The following PIGN variants were observed in gnomAD, a reference collection of about 807,000 sequenced individuals.
PIGN encodes the protein phosphatidylinositol glycan anchor biosynthesis class N, also known as GPI ethanolamine phosphate transferase 1.
In PIGN, 117 loss-of-function variants were observed where a neutral mutation model predicts 125.4. That is an observed-to-expected ratio of 0.93 (90% CI 0.80 to 1.09). The LOEUF is 1.09. PIGN is among the 50% of genes least tolerant of loss of function. The probability of loss-of-function intolerance (pLI) is 0.00; values close to 1 mark genes in which losing one functional copy is unlikely to be tolerated. For missense variants in PIGN, 1,075 were observed against 1,094.9 expected (o/e 0.98, Z 0.26); for synonymous variants, 392 against 377.8 (o/e 1.04, Z -0.44).
chr18:62,125,047 AAT>A (rs2035455534), intron 14 of PIGN, among the ~76,000 whole-genome samples: 1 of 137,462 alleles, frequency 7.3e-6, no homozygotes, highest in African/African-American at 3.4e-5. Flanking sequence ...ATAAATATAC[AAT>A]TTGTACATAC....
chr18:62,154,762 C>A (rs998204384), intron 6 of PIGN, 111 bp from the exon 7 acceptor site: 50 of 653,464 alleles, frequency 7.7e-5, no homozygotes, highest in Non-Finnish European at 2.7e-6. Flanking sequence ...TTTCACAAAG[C>A]ATTGTTCATT....
At chr18:62,063,026 T>TAAATGC (rs1268765368) in intron 30 of PIGN, among the ~76,000 whole-genome samples, 1 of 151,418 alleles carries the variant, frequency 6.6e-6, no homozygotes, top group Non-Finnish European at 1.5e-5. Context: ...TGATAGACGT[T>TAAATGC]AAATGCAAGC....
chr18:62,050,796 T>C (rs1457600838), intron 30 of PIGN, among the ~76,000 whole-genome samples: 1 of 151,852 alleles, frequency 6.6e-6, no homozygotes, highest in Non-Finnish European at 1.5e-5. Context: ...AAAGGGAATG[T>C]TTCCAGTTTT....
intron 1 of PIGN, among the ~76,000 whole-genome samples, chr18:62,178,872 T>C (rs757863406): frequency 6.6e-6 from 1 of 152,172 alleles, no homozygotes; most frequent in Non-Finnish European, 1.5e-5. Context: ...CCTGCCCACT[T>C]GAGTTCAAAA....
intron 23 of PIGN, among the ~76,000 whole-genome samples, chr18:62,092,332 T>C (rs1332570259): frequency 6.6e-6 from 1 of 152,136 alleles, no homozygotes; most frequent in African/African-American, 2.4e-5. Flanking sequence ...TCATATATAG[T>C]TTGTTGTAGA....
chr18:62,083,943 T>C (rs1001446097), intron 27 of PIGN, among the ~76,000 whole-genome samples: 5 of 152,142 alleles, frequency 3.3e-5, no homozygotes, highest in Admixed American at 6.5e-5. Flanking sequence ...TAAACAAATA[T>C]ATACTAAGTA....
chr18:62,179,671 C>T (rs962859373), intron 1 of PIGN, among the ~76,000 whole-genome samples: 7 of 152,026 alleles, frequency 4.6e-5, no homozygotes, highest in African/African-American at 9.7e-5. Context: ...GCTTGAACCC[C>T]GGAGATCGAG....
intron 30 of PIGN, among the ~76,000 whole-genome samples, chr18:62,056,378 A>T (rs1195462676): frequency 6.6e-6 from 1 of 151,974 alleles, no homozygotes; most frequent in Non-Finnish European, 1.5e-5. Context: ...AGCACAAATG[A>T]GATTTGGTTC....
chr18:62,114,418 T>C, intron 15 of PIGN, 143 bp downstream of exon 15: 1 of 599,824 alleles, frequency 1.7e-6, no homozygotes, highest in Non-Finnish European at 3.0e-6. Flanking sequence ...ATCTGTCCAC[T>C]GCTAAAGCAG....
rs138235921 is a variant in PIGN at position 62,166,145 on chromosome 18, G to A, written c.-235-2489C>T. On this transcript the variant is annotated intron_variant, in intron 1 of 30. Transcript: ENST00000640252. ...AGGGGATGGAATGGAGAGCACAAGT[G>A]GAGGAGCTGGGCTACTCTGAGTTTG... Among the ~76,000 whole-genome samples the A allele has an allele frequency of 4.2e-3, 638 of 152,308 alleles. 4 individuals carry two copies. Among genetic ancestry groups the A allele is most frequent in the African/African-American group, 0.015 (612 of 41,560 alleles).
rs557100926 is a variant in PIGN, at chr18:62,157,559, A to G, written c.343+128T>C. 20 of 859,104 alleles carry G rather than the reference A, an allele frequency of 2.3e-5. No individual in the cohort carries two copies. In the South Asian group the frequency reaches 2.9e-4, roughly 12 times the overall value. The allele number at this position is 859,104 out of a possible 1,614,324, so 53.2% of individuals were successfully genotyped here. On this transcript the variant is annotated intron_variant, in intron 5 of 30. Coordinates refer to ENST00000640252, the MANE Select transcript of PIGN (RefSeq NM_176787.5). ...TACCAGTGGGTATTCATGTCAGCAAAGCATGCTAAAACATTTGTCCAAAAT... is the reference window on the plus strand; with the variant it reads ...TACCAGTGGGTATTCATGTCAGCAAGGCATGCTAAAACATTTGTCCAAAAT...
rs373045834 is a variant in PIGN, at chr18:62,140,449, T to A, written c.994A>T (p.Ile332Phe). 6.4e-7 allele frequency: 1 copy of A among 1,556,034 alleles called. No homozygotes were observed. Among genetic ancestry groups the A allele is most frequent in the South Asian group, 1.2e-5 (1 of 85,122 alleles). ...ADIAPLMTSLIGVPFPLNSVG... is the reference protein window; with the variant it reads ...ADIAPLMTSLFGVPFPLNSVG... Reference sequence around the variant, plus strand: ...GAGTTAAGAGGAAAGGGAACTCCAATAAGGGAAGTCATCAATGGTGCAATA... The same window carrying A: ...GAGTTAAGAGGAAAGGGAACTCCAAAAAGGGAAGTCATCAATGGTGCAATA... The change falls in exon 12 of 31, where the codon ATT (isoleucine) becomes TTT (phenylalanine). Residue 332 changes from isoleucine to phenylalanine, a missense_variant. Physicochemically the swap from Ile to Phe is conservative, Grantham distance 21. Around this residue, in one of 3 missense-constraint regions of PIGN, gnomAD observed 915 missense variants for 908.7 expected, o/e 1.01. Coordinates refer to ENST00000640252, the MANE Select transcript of PIGN (RefSeq NM_176787.5).
At chr18:62,081,165 A>G (rs1283269453) in intron 28 of PIGN, among the ~76,000 whole-genome samples, 1 of 152,308 alleles carries the variant, frequency 6.6e-6, no homozygotes, top group East Asian at 1.9e-4. Flanking sequence ...AGTCATTAGT[A>G]TATATATCCA....
chr18:62,175,075 T>TTTA (rs1338048808), intron 1 of PIGN, among the ~76,000 whole-genome samples: 103 of 83,104 alleles, frequency 1.2e-3, no homozygotes, highest in Middle Eastern at 6.7e-3. Context: ...TAAATATATA[T>TTTA]ATTTAATATA....
intron 11 of PIGN, 63 bp downstream of exon 11, chr18:62,143,243 T>G (rs1339577737): frequency 2.4e-6 from 2 of 825,904 alleles, no homozygotes; most frequent in African/African-American, 1.7e-5. Flanking sequence ...TTTCATAGTT[T>G]TTGTCTAACC....
Position 62,098,965 on chromosome 18 carries a change from A to T in PIGN, c.2077+2110T>A, listed in dbSNP as rs150427680. On this transcript the variant is annotated intron_variant, in intron 22 of 30. Coordinates refer to ENST00000640252, the MANE Select transcript of PIGN (RefSeq NM_176787.5). The stretch of plus-strand genomic sequence containing the variant: ...AAGCATATAAAACACTGCATAATGT[A>T]CAAGTGTGCTCTGCTACAACATAAG... Among the ~76,000 whole-genome samples, 23 of 152,246 alleles carry T rather than the reference A, an allele frequency of 1.5e-4. 1 individual carries two copies. The highest frequency in any genetic ancestry group is 4.8e-4 in the African/African-American group (20 of 41,584).
intron 1 of PIGN, among the ~76,000 whole-genome samples, chr18:62,171,991 G>A (rs1212812186): frequency 1.3e-5 from 2 of 152,000 alleles, no homozygotes; most frequent in East Asian, 1.9e-4. Context: ...GTTCCTTCTT[G>A]TACTTTTTGG....
At chr18:62,162,754 C>T (rs1014271630) in intron 2 of PIGN, among the ~76,000 whole-genome samples, 3 of 152,096 alleles carry the variant, frequency 2.0e-5, no homozygotes, top group African/African-American at 7.2e-5. Flanking sequence ...TATTCCCTCC[C>T]CTCTTCTGTG....
At chr18:62,024,446 G>A (rs1226890026) in intron 23 of PIGN, among the ~76,000 whole-genome samples, 1 of 152,090 alleles carries the variant, frequency 6.6e-6, no homozygotes, top group African/African-American at 2.4e-5. Flanking sequence ...ATCTCACTTG[G>A]CTGCTCTGGG....
Sources: allele counts gnomAD v4.1 joint callset (sites outside exome capture counted in the v4.1 genomes callset), GRCh38; gene constraint gnomAD v4.1.1; regional missense constraint gnomAD v4.1.1; transcripts MANE v1.5; gene names NCBI Gene and HGNC (gene_info 2026-07-23, HGNC 2026-07-21).